CHD9: variants seen among roughly 807,000 people sequenced by gnomAD.
The protein encoded by CHD9 is chromodomain helicase DNA binding protein 9, also known as ATP-dependent chromatin remodeler CHD9.
CHD9 carries 77 observed loss-of-function variants against 316.1 expected under a neutral mutation model. That is an observed-to-expected ratio of 0.24 (90% confidence interval 0.20 to 0.29). CHD9 has a LOEUF of 0.29. Ranked by LOEUF, CHD9 falls within the 10% of genes least tolerant of loss-of-function variation. The pLI, the probability that CHD9 is intolerant of heterozygous loss-of-function variation, is 1.00. For missense variants in CHD9, 2,763 were observed against 3,438.1 expected (o/e 0.80, Z 4.91); for synonymous variants, 1,129 against 1,158.3 (o/e 0.97, Z 0.51).
chr16:53,160,582 G>A (rs922646044), intron 2 of CHD9, among the ~76,000 whole-genome samples: 57 of 151,964 alleles, frequency 3.8e-4, no homozygotes, highest in African/African-American at 1.4e-3. Context: ...ATAAAGGGCA[G>A]TTTGTTTGGA....
intron 1 of CHD9, among the ~76,000 whole-genome samples, chr16:53,061,123 C>T (rs2032848488): frequency 2.0e-5 from 3 of 151,954 alleles, no homozygotes; most frequent in Non-Finnish European, 4.4e-5. Flanking sequence ...GATGGGGTTT[C>T]GCCATGTTGG....
At chr16:53,061,158 C>T (rs1044069670) in intron 1 of CHD9, among the ~76,000 whole-genome samples, 5 of 152,104 alleles carry the variant, frequency 3.3e-5, no homozygotes, top group Non-Finnish European at 7.4e-5. Context: ...AACTCCTGAC[C>T]TCAGGTGATT....
intron 1 of CHD9, among the ~76,000 whole-genome samples, chr16:53,116,663 T>TA: frequency 6.6e-6 from 1 of 152,194 alleles, no homozygotes; most frequent in Non-Finnish European, 1.5e-5. Context: ...GAAGAGGATG[T>TA]GGTGATTCCT....
At chr16:53,076,172 A>G (rs1364897173) in intron 1 of CHD9, among the ~76,000 whole-genome samples, 1 of 152,142 alleles carries the variant, frequency 6.6e-6, no homozygotes, top group African/African-American at 2.4e-5. Context: ...CAGATATATG[A>G]TTTATAAATA....
intron 1 of CHD9, among the ~76,000 whole-genome samples, chr16:53,120,321 C>T (rs1183740604): frequency 6.6e-6 from 1 of 151,994 alleles, no homozygotes; most frequent in Non-Finnish European, 1.5e-5. Flanking sequence ...CCTATAAAAC[C>T]AGTTGATTGG....
rs143254785 is a variant in CHD9 at position 53,285,396 on chromosome 16, C to T, written c.4968-200C>T. On this transcript the variant is annotated intron_variant, in intron 24 of 38. Transcript: ENST00000447540. Reference sequence around the variant, plus strand: ...AACTTATTTCTTCTCTTGAGCTTAACAATGTTCGTTTATTTTATGGTATCT... The same window carrying T: ...AACTTATTTCTTCTCTTGAGCTTAATAATGTTCGTTTATTTTATGGTATCT... Among the ~76,000 whole-genome samples, 156 of 152,196 alleles carry T rather than the reference C, an allele frequency of 1.0e-3. 1 individual carries two copies. The highest frequency in any genetic ancestry group is 3.6e-3 in the African/African-American group (151 of 41,534).
chr16:53,325,647 A>C lies in CHD9; in HGVS notation c.*752A>C, dbSNP rs2057515614. The C allele has an allele frequency of 6.6e-6, 1 of 152,458 alleles. No homozygotes were observed. The highest frequency in any genetic ancestry group is 1.5e-5 in the Non-Finnish European group (1 of 67,986). The allele number at this position is 152,458 out of a possible 1,614,324, so 9.4% of individuals were successfully genotyped here. A position where few individuals can be genotyped will look rare whatever the true frequency, so the allele number is the denominator to read the frequency against. On this transcript the variant is annotated 3_prime_UTR_variant, in exon 39 of 39. Coordinates refer to ENST00000447540, the MANE Select transcript of CHD9 (RefSeq NM_001308319.2). ...AGTAAAATTAAGTCATAAAATAATCATGTGTCATGTGACTTTGGCACCCTA... is the reference window on the plus strand; with the variant it reads ...AGTAAAATTAAGTCATAAAATAATCCTGTGTCATGTGACTTTGGCACCCTA...
At chr16:53,213,169 C>T (rs1384813274) in intron 3 of CHD9, among the ~76,000 whole-genome samples, 1 of 152,158 alleles carries the variant, frequency 6.6e-6, no homozygotes, top group Non-Finnish European at 1.5e-5. Flanking sequence ...ATGACCATGC[C>T]TCTGTTGATC....
intron 4 of CHD9, among the ~76,000 whole-genome samples, chr16:53,223,769 C>A (rs972208041): frequency 1.4e-4 from 21 of 151,532 alleles, no homozygotes; most frequent in Non-Finnish European, 1.9e-4. Context: ...AACACACACA[C>A]AAAAAATGGT....
chr16:53,134,052 C>G (rs908717827), intron 1 of CHD9, among the ~76,000 whole-genome samples: 1 of 151,988 alleles, frequency 6.6e-6, no homozygotes, highest in Non-Finnish European at 1.5e-5. Flanking sequence ...AAAAAGCTTA[C>G]CTCCGTAAAT....
chr16:53,288,391 G>A (rs2054066445), intron 27 of CHD9, among the ~76,000 whole-genome samples: 2 of 152,150 alleles, frequency 1.3e-5, no homozygotes, highest in Non-Finnish European at 2.9e-5. Flanking sequence ...TGAGATAGAG[G>A]GTAGAGCATC....
intron 12 of CHD9, among the ~76,000 whole-genome samples, chr16:53,240,176 G>T (rs2048969732): frequency 6.6e-6 from 1 of 151,970 alleles, no homozygotes; most frequent in Non-Finnish European, 1.5e-5. Flanking sequence ...CAAAGTGCTG[G>T]GATTACAGGC....
intron 34 of CHD9, 117 bp downstream of exon 34, chr16:53,308,971 T>A: frequency 1.4e-6 from 1 of 695,492 alleles, no homozygotes; most frequent in South Asian, 2.4e-5. Context: ...CTCTTAAGCC[T>A]ATAAAGTAAT....
At position 53,249,883 on chromosome 16, in the gene CHD9, G is replaced by A. The variant is rs1373306497; in HGVS notation, c.3678G>A (p.Glu1226=). 1.2e-5 allele frequency: 20 copies of A among 1,612,054 alleles called. No homozygotes were observed. The highest frequency in any genetic ancestry group is 1.6e-5 in the Non-Finnish European group (19 of 1,178,276). The change falls in exon 17 of 39, where the codon GAG becomes GAA. Residue 1226 remains glutamate, a synonymous_variant. Transcript: ENST00000447540. ...DYLIHKRYLY[E]RIDGRVRGNL... ...TTTCATTCCATAGATACTTATATGA[G>A]CGAATTGATGGCAGAGTCAGAGGAA...
rs184032461 is a variant in CHD9, at chr16:53,088,888, C to T, written c.-165+33811C>T. Among the ~76,000 whole-genome samples, 99 of 151,282 alleles carry T rather than the reference C, an allele frequency of 6.5e-4. No homozygotes were observed. In the East Asian group the frequency reaches 0.016, roughly 25 times the overall value. ...CAGCACTTTGAGAGGCTGAGGCAGG[C>T]GGATCATGAGGTCAGGAGTTCGATA... On this transcript the variant is annotated intron_variant, in intron 1 of 38. Coordinates refer to ENST00000447540, the MANE Select transcript of CHD9 (RefSeq NM_001308319.2).
chr16:53,092,079 C>A (rs2035989579), intron 1 of CHD9, among the ~76,000 whole-genome samples: 1 of 152,216 alleles, frequency 6.6e-6, no homozygotes, highest in Non-Finnish European at 1.5e-5. Context: ...GGCTTGGAGG[C>A]AGGGAGATGC....
At chr16:53,270,064 A>G (rs1427310263) in intron 22 of CHD9, among the ~76,000 whole-genome samples, 1 of 151,728 alleles carries the variant, frequency 6.6e-6, no homozygotes, top group African/African-American at 2.4e-5. Flanking sequence ...GAGTGTTGTG[A>G]CGTGAACACG....
Position 53,314,413 on chromosome 16 carries a change from T to C in CHD9, c.7259T>C (p.Val2420Ala), listed in dbSNP as rs1597983483. 6.3e-7 allele frequency: 1 copy of C among 1,588,282 alleles called. No individual in the cohort carries two copies. The highest frequency in any genetic ancestry group is 2.3e-5 in the East Asian group (1 of 44,204). The change falls in exon 35 of 39, where the codon GTG (valine) becomes GCG (alanine). Residue 2420 changes from valine to alanine, a missense_variant. Physicochemically the swap from Val to Ala is moderately conservative, Grantham distance 64. Around this residue, in one of 15 missense-constraint regions of CHD9, gnomAD observed 663 missense variants for 751.2 expected, o/e 0.88. Transcript: ENST00000447540. ...CAACCAACCCTTGGTGCCAATGGTGTGATATTAGACAACCAGCCTATAGTC... is the reference window on the plus strand; with the variant it reads ...CAACCAACCCTTGGTGCCAATGGTGCGATATTAGACAACCAGCCTATAGTC... ...SIQPTLGANG[V>A]ILDNQPIVKK...
chr16:53,226,398 A>AAAATACGC lies in CHD9; in HGVS notation c.1931_1938dup (p.Glu647AsnfsTer6). 6.3e-7 allele frequency: 1 copy of AAAATACGC among 1,580,600 alleles called. No homozygotes were observed. The highest frequency in any genetic ancestry group is 8.6e-7 in the Non-Finnish European group (1 of 1,167,948). On this transcript the variant is annotated frameshift_variant, in exon 5 of 39. Coordinates refer to ENST00000447540, the MANE Select transcript of CHD9 (RefSeq NM_001308319.2). LOFTEE classifies it high-confidence loss of function. ...GATCAAATCGACAAATTAAAAGAAA[A>AAAATACGC]AAATACGCAGAAGATATAGAAGGGA...
Sources: allele counts gnomAD v4.1 joint callset (sites outside exome capture counted in the v4.1 genomes callset), GRCh38; gene constraint gnomAD v4.1.1; regional missense constraint gnomAD v4.1.1; transcripts MANE v1.5; gene names NCBI Gene and HGNC (gene_info 2026-07-23, HGNC 2026-07-21).